BPIFC: variants seen among roughly 807,000 people sequenced by gnomAD.
BPIFC encodes the protein BPI fold containing family C, also known as BPI fold-containing family C protein.
BPIFC carries 60 observed loss-of-function variants against 57.6 expected under a neutral mutation model. The observed-to-expected ratio is 1.04, with a 90% CI of 0.85 to 1.29. The LOEUF is 1.29. Among genes scored for constraint, BPIFC ranks in the 50% most tolerant of loss-of-function variants. The pLI is 0.00. For missense variants in BPIFC, 581 were observed against 600.5 expected (o/e 0.97, Z 0.34); for synonymous variants, 243 against 224.5 (o/e 1.08, Z -0.74).
At chr22:32,430,626 TATAAA>T (rs1236947353) in intron 13 of BPIFC, among the ~76,000 whole-genome samples, 82 of 149,730 alleles carry the variant, frequency 5.5e-4, no homozygotes, top group African/African-American at 2.0e-3. Flanking sequence ...AAATATATAA[TATAAA>T]ATATGTGAGA....
chr22:32,429,015 G>T (rs1487615405), intron 13 of BPIFC, among the ~76,000 whole-genome samples: 4 of 152,004 alleles, frequency 2.6e-5, no homozygotes, highest in African/African-American at 7.3e-5. Flanking sequence ...TTCATTTTCA[G>T]TTTTGTGATT....
At position 32,445,650 on chromosome 22, in the gene BPIFC, C is replaced by G. The variant is rs201885061; in HGVS notation, c.579G>C (p.Lys193Asn). The change falls in exon 7 of 17, where the codon AAG becomes AAC. Residue 193 changes from lysine to asparagine, a missense_variant. By Grantham distance (94) the Lys-to-Asn change is moderately conservative. Transcript: ENST00000300399. ...FAEPMEKPIL[K>N]NLNEMLCPII... is the part of the protein sequence containing the mutation. The stretch of plus-strand genomic sequence containing the variant: ...AAAGACTCACCATTTCATTTAAGTT[C>G]TTTAAAATGGGTTTCTCCATGGGCT... The G allele has an allele frequency of 2.1e-6, 3 of 1,462,670 alleles. No individual in the cohort carries two copies. The highest frequency in any genetic ancestry group is 2.7e-6 in the Non-Finnish European group (3 of 1,096,292). 90.6% of individuals were successfully genotyped at this position (1,462,670 alleles called of 1,614,324 possible). A position where few individuals can be genotyped will look rare whatever the true frequency, so the allele number is the denominator to read the frequency against.
At chr22:32,424,601 C>CT (rs775455308) in intron 13 of BPIFC, among the ~76,000 whole-genome samples, 3,539 of 77,406 alleles carry the variant, frequency 0.046, 681 homozygotes, top group East Asian at 0.13. Flanking sequence ...TCTTCTTCTT[C>CT]TCCTCCTCCT....
chr22:32,457,498 A>G, intron 2 of BPIFC, 112 bp from the exon 3 acceptor site: 1 of 1,236,380 alleles, frequency 8.1e-7, no homozygotes, highest in South Asian at 1.4e-5. Flanking sequence ...CCAGAACTCA[A>G]TACATCCATC....
chr22:32,458,724 T>C (rs1386403875), intron 2 of BPIFC, among the ~76,000 whole-genome samples: 4 of 152,238 alleles, frequency 2.6e-5, no homozygotes, highest in African/African-American at 9.6e-5. Flanking sequence ...AAGCCCTTAA[T>C]CTTAGTATAC....
chr22:32,430,972 G>A (rs1934221425), intron 13 of BPIFC, among the ~76,000 whole-genome samples: 1 of 151,996 alleles, frequency 6.6e-6, no homozygotes, highest in South Asian at 2.1e-4. Context: ...TAATTATTTT[G>A]TTCCCTATTT....
intron 9 of BPIFC, among the ~76,000 whole-genome samples, chr22:32,437,469 CA>C (rs1292590628): frequency 6.6e-6 from 1 of 152,240 alleles, no homozygotes; most frequent in East Asian, 1.9e-4. Flanking sequence ...CGGCTCACTG[CA>C]ACCTCTGCCT....
chr22:32,464,388 G>T lies in BPIFC; in HGVS notation c.-103C>A. On this transcript the variant is annotated 5_prime_UTR_variant, in exon 1 of 17. Transcript: ENST00000300399. ...ATGAGTCTTACCTCAAGCAGAGGAA[G>T]TGTCCAAAGCTGGAGAGCACCTTCG... 2 of 985,324 alleles carry T rather than the reference G, an allele frequency of 2.0e-6. No homozygotes were observed. The highest frequency in any genetic ancestry group is 2.4e-6 in the Non-Finnish European group (2 of 829,886). The allele number at this position is 985,324 out of a possible 1,614,324, so 61.0% of individuals were successfully genotyped here.
intron 15 of BPIFC, among the ~76,000 whole-genome samples, chr22:32,416,402 T>A (rs1390120092): frequency 1.3e-5 from 2 of 152,186 alleles, no homozygotes; most frequent in African/African-American, 4.8e-5. Flanking sequence ...TTTTAATAGT[T>A]GATCTTTTCA....
intron 13 of BPIFC, among the ~76,000 whole-genome samples, chr22:32,423,577 G>GGT (rs369571670): frequency 0.013 from 1,885 of 143,192 alleles, 19 homozygotes; most frequent in South Asian, 0.06. Context: ...GTAGGGTGTG[G>GGT]GTGTGTGTGT....
At chr22:32,450,740 C>A (rs937044268) in intron 4 of BPIFC, among the ~76,000 whole-genome samples, 1 of 152,038 alleles carries the variant, frequency 6.6e-6, no homozygotes, top group South Asian at 2.1e-4. Flanking sequence ...TAAGTGCTGA[C>A]ATGATGCTCA....
At chr22:32,454,097 T>C (rs954584313) in intron 3 of BPIFC, among the ~76,000 whole-genome samples, 7 of 152,126 alleles carry the variant, frequency 4.6e-5, no homozygotes, top group Non-Finnish European at 4.4e-5. Flanking sequence ...GGCAGTAGAG[T>C]AAGACCCTGA....
chr22:32,433,184 C>G (rs1294956679), intron 11 of BPIFC, among the ~76,000 whole-genome samples: 1 of 152,190 alleles, frequency 6.6e-6, no homozygotes, highest in Non-Finnish European at 1.5e-5. Context: ...GCCTGGATGA[C>G]AGAGCGAGAC....
chr22:32,452,288 A>G (rs1034971645), intron 4 of BPIFC, among the ~76,000 whole-genome samples: 2 of 152,162 alleles, frequency 1.3e-5, no homozygotes, highest in Non-Finnish European at 2.9e-5. Flanking sequence ...TACAGATCAG[A>G]GCATTAGCCA....
At chr22:32,424,693 C>CTTCTTCT (rs1475041890) in intron 13 of BPIFC, among the ~76,000 whole-genome samples, 44 of 29,284 alleles carry the variant, frequency 1.5e-3, no homozygotes, top group South Asian at 3.5e-3. Context: ...CTTCTTCTTC[C>CTTCTTCT]TCTTCTTCTT....
chr22:32,418,444 G>C (rs547877437), intron 14 of BPIFC, among the ~76,000 whole-genome samples: 1 of 152,274 alleles, frequency 6.6e-6, no homozygotes, highest in African/African-American at 2.4e-5. Flanking sequence ...TGTGCACTGT[G>C]AATGTGTAGC....
In BPIFC at chr22:32,435,694, C is replaced by G; in HGVS notation, c.924+10G>C. On this transcript the variant is annotated intron_variant, in intron 10 of 16. Transcript: ENST00000300399. ...GGTGACCATTGACATCCTCAGTTAA[C>G]TCTCCTCACCTCTTCGGTGGAGAGA... The G allele has an allele frequency of 1.2e-6, 2 of 1,608,922 alleles. No homozygotes were observed. Among genetic ancestry groups the G allele is most frequent in the Middle Eastern group, 1.7e-4 (1 of 6,034 alleles).
At chr22:32,451,910 T>G (rs1390196437) in intron 4 of BPIFC, among the ~76,000 whole-genome samples, 1 of 152,080 alleles carries the variant, frequency 6.6e-6, no homozygotes, top group Non-Finnish European at 1.5e-5. Context: ...CCCTATTGCT[T>G]TCTCTTTTTT....
At chr22:32,460,127 A>G (rs904966596) in intron 2 of BPIFC, among the ~76,000 whole-genome samples, 1 of 152,172 alleles carries the variant, frequency 6.6e-6, no homozygotes, top group African/African-American at 2.4e-5. Context: ...TTTGCTTGAA[A>G]AGAACAGAGC....
Sources: gnomAD v4.1 joint callset for allele counts (sites outside exome capture counted in the v4.1 genomes callset) on GRCh38, gnomAD v4.1.1 for gene constraint, MANE v1.5 for transcripts, NCBI Gene and HGNC (gene_info 2026-07-23, HGNC 2026-07-21) for gene names.